Variants in GDE1 observed in about 807,000 individuals in gnomAD.
GDE1 encodes the protein RGS16-interacting membrane protein.
GDE1 carries 24 observed loss-of-function variants against 32.2 expected under a neutral mutation model. That is an observed-to-expected ratio of 0.75 (90% confidence interval 0.54 to 1.05). The LOEUF is 1.05. Among genes scored for constraint, GDE1 ranks in the 50% least tolerant of loss-of-function variants. GDE1 has a pLI of 0.00. For missense variants in GDE1, 380 were observed against 415.0 expected (o/e 0.92, Z 0.73); for synonymous variants, 159 against 158.6 (o/e 1.00, Z -0.02).
rs1597232454 is a variant in GDE1, at chr16:19,507,743, G to A, written c.580C>T (p.Pro194Ser). Residue 194 changes from proline (P) to serine (S), a missense_variant, in exon 4 of 6, where the codon CCT becomes TCT. Physicochemically the swap from Pro to Ser is moderately conservative, Grantham distance 74 (BLOSUM62 -1). Coordinates refer to ENST00000353258, the MANE Select transcript of GDE1 (RefSeq NM_016641.4). ...EALKKMYMEF[P>S]QLYNNSVVCS... The stretch of plus-strand genomic sequence containing the variant: ...ACCACACTATTATTATACAGTTGAG[G>A]AAATTCCATATACATTTTCTTTAGA... 1.3e-6 allele frequency: 2 copies of A among 1,565,642 alleles called. No homozygotes were observed. Among genetic ancestry groups the A allele is most frequent in the Non-Finnish European group, 1.8e-6 (2 of 1,136,646 alleles).
intron 5 of GDE1, 64 bp from the exon 6 acceptor site, chr16:19,503,681 G>A: frequency 1.5e-6 from 2 of 1,365,490 alleles, no homozygotes; most frequent in Non-Finnish European, 2.1e-6. Context: ...ATCCATAATG[G>A]CCACTAAGTA....
intron 5 of GDE1, chr16:19,504,054 TG>T (rs1835989790): frequency 6.4e-6 from 1 of 156,020 alleles, no homozygotes; most frequent in African/African-American, 2.4e-5. Context: ...CTCTCTGATC[TG>T]GATTCCTCCC....
chr16:19,510,938 A>G lies in GDE1; in HGVS notation c.444T>C (p.Asp148=). 1 of 1,532,940 alleles carries G rather than the reference A, an allele frequency of 6.5e-7. No homozygotes were observed. The highest frequency in any genetic ancestry group is 1.1e-5 in the South Asian group (1 of 87,586). The allele number at this position is 1,532,940 out of a possible 1,614,324, so 95.0% of individuals were successfully genotyped here. The part of the protein sequence containing the change: ...NPAANHRLRN[D]FPDEKIPTLR... Reference sequence around the variant, plus strand: ...GGGTAGGGATCTTTTCATCAGGGAAATCATTCCTGTAAGAGAAGAGAAAAT... The same window carrying G: ...GGGTAGGGATCTTTTCATCAGGGAAGTCATTCCTGTAAGAGAAGAGAAAAT... The change falls in exon 3 of 6, where the codon GAT becomes GAC. Residue 148 remains aspartate, a synonymous_variant. Coordinates refer to ENST00000353258, the MANE Select transcript of GDE1 (RefSeq NM_016641.4).
intron 3 of GDE1, among the ~76,000 whole-genome samples, chr16:19,508,731 T>C (rs77951216): frequency 2.6e-4 from 17 of 64,880 alleles, no homozygotes; most frequent in African/African-American, 1.9e-3. Flanking sequence ...GCTTTTAGTA[T>C]CCCCATTTTA....
intron 2 of GDE1, among the ~76,000 whole-genome samples, chr16:19,513,233 C>T (rs1446166070): frequency 6.6e-6 from 1 of 152,102 alleles, no homozygotes; most frequent in African/African-American, 2.4e-5. Context: ...TTCTTCTGAT[C>T]CATGAGCATG....
chr16:19,506,929 T>A (rs1007754426), intron 4 of GDE1, among the ~76,000 whole-genome samples: 2 of 151,630 alleles, frequency 1.3e-5, no homozygotes, highest in Non-Finnish European at 2.9e-5. Flanking sequence ...AGCTTAGGAG[T>A]TGGAGAACTG....
intron 3 of GDE1, among the ~76,000 whole-genome samples, chr16:19,509,944 C>A (rs1198432883): frequency 6.6e-6 from 1 of 151,936 alleles, no homozygotes; most frequent in Non-Finnish European, 1.5e-5. Flanking sequence ...AGCCACTGCA[C>A]CCGGCCCATT....
intron 5 of GDE1, chr16:19,504,623 T>C (rs998570088): frequency 2.6e-6 from 1 of 384,292 alleles, no homozygotes; most frequent in Admixed American, 4.4e-5. Flanking sequence ...AATCCCTTGC[T>C]CAGCATAGTG....
intron 5 of GDE1, 187 bp downstream of exon 5, chr16:19,504,694 G>A (rs956377369): frequency 3.3e-5 from 18 of 549,278 alleles, no homozygotes; most frequent in Admixed American, 1.8e-4. Context: ...TGATCGACTC[G>A]GTCTGAAAAC....
intron 2 of GDE1, among the ~76,000 whole-genome samples, chr16:19,515,139 C>T (rs1271224840): frequency 6.6e-6 from 1 of 151,116 alleles, no homozygotes; most frequent in African/African-American, 2.4e-5. Context: ...TAATCAATTT[C>T]TATTCCCTGA....
At chr16:19,520,417 AAAG>A (rs1257673128) in intron 1 of GDE1, among the ~76,000 whole-genome samples, 2 of 151,404 alleles carry the variant, frequency 1.3e-5, no homozygotes, top group African/African-American at 4.9e-5. Flanking sequence ...AGAAAAAAAA[AAAG>A]AAAAAAAAAG....
intron 1 of GDE1, among the ~76,000 whole-genome samples, chr16:19,517,855 G>A (rs1378974153): frequency 6.6e-6 from 1 of 151,806 alleles, no homozygotes; most frequent in Non-Finnish European, 1.5e-5. Flanking sequence ...TCACAATAAA[G>A]ATGTGAAATG....
At chr16:19,521,140 C>T (rs993523365) in intron 1 of GDE1, 1 of 153,050 alleles carries the variant, frequency 6.5e-6, no homozygotes, top group Non-Finnish European at 1.5e-5. Flanking sequence ...AGTCTTTGTT[C>T]TCTTCCTTGA....
chr16:19,511,395 C>T (rs375183176), intron 2 of GDE1, among the ~76,000 whole-genome samples: 14 of 152,144 alleles, frequency 9.2e-5, no homozygotes, highest in East Asian at 3.9e-4. Context: ...TGAGCCACTG[C>T]GCCTGTCCTA....
At chr16:19,518,635 T>C (rs1235820787) in intron 1 of GDE1, among the ~76,000 whole-genome samples, 1 of 152,216 alleles carries the variant, frequency 6.6e-6, no homozygotes, top group Non-Finnish European at 1.5e-5. Flanking sequence ...AGTTGGTGTA[T>C]ATCATTCTCA....
chr16:19,506,476 C>T (rs900114694), intron 4 of GDE1, among the ~76,000 whole-genome samples: 1 of 152,040 alleles, frequency 6.6e-6, no homozygotes, highest in Non-Finnish European at 1.5e-5. Flanking sequence ...ATGGCAAAAC[C>T]CCGTCTCTAC....
intron 2 of GDE1, among the ~76,000 whole-genome samples, chr16:19,516,066 C>T (rs1166218661): frequency 6.6e-6 from 1 of 152,156 alleles, no homozygotes; most frequent in Non-Finnish European, 1.5e-5. Context: ...TGTTTATCCA[C>T]AACAGAAGTA....
intron 2 of GDE1, among the ~76,000 whole-genome samples, chr16:19,512,927 T>TTGTGTGTGTGTGTGTGTGTGTG (rs144957791): frequency 1.6e-4 from 22 of 137,102 alleles, no homozygotes; most frequent in South Asian, 4.9e-4. Context: ...TGTATCTGTT[T>TTGTGTGTGTGTGTGTGTGTGTG]TGTGTGTGTG....
rs755539443 is a variant in GDE1 at position 19,505,025 on chromosome 16, C to T, written c.704G>A (p.Gly235Glu). Residue 235 changes from glycine (G) to glutamate (E), a missense_variant, in exon 5 of 6, where the codon GGA (glycine) becomes GAA (glutamate). Gly to Glu is a moderately conservative substitution (Grantham distance 98). Transcript: ENST00000353258. ...AGTATCATAGCGTGGTTTCCCATCT[C>T]CTGTATGGCTTAGGCTCCAAGGTCT... is the stretch of plus-strand genomic sequence containing the variant. ...THRPWSLSHT[G>E]DGKPRYDTFW... The T allele has an allele frequency of 6.2e-7, 1 of 1,613,252 alleles. No homozygotes were observed. The highest frequency in any genetic ancestry group is 1.1e-5 in the South Asian group (1 of 91,064).
Sources: gnomAD v4.1 joint callset for allele counts (sites outside exome capture counted in the v4.1 genomes callset) on GRCh38, gnomAD v4.1.1 for gene constraint, MANE v1.5 for transcripts, NCBI Gene and HGNC (gene_info 2026-07-23, HGNC 2026-07-21) for gene names.